Variants in FILIP1L observed in about 807,000 individuals in gnomAD.
FILIP1L encodes filamin A interacting protein 1 like, also known as filamin A-interacting protein 1-like.
In FILIP1L, 55 loss-of-function variants were observed where a neutral mutation model predicts 96.6. The observed-to-expected ratio is 0.57, with a 90% CI of 0.46 to 0.71. FILIP1L has a LOEUF of 0.71. Among genes scored for constraint, FILIP1L ranks in the 30% least tolerant of loss-of-function variants. The pLI is 0.00. For synonymous variants in FILIP1L, 467 were observed against 473.9 expected (o/e 0.99, Z 0.19); for missense variants, 1,304 against 1,321.2 (o/e 0.99, Z 0.20).
At chr3:100,052,463 G>A (rs1189410002) in intron 1 of FILIP1L, among the ~76,000 whole-genome samples, 1 of 152,174 alleles carries the variant, frequency 6.6e-6, no homozygotes, top group Non-Finnish European at 1.5e-5. Context: ...AGTGCACCCA[G>A]TTGGAGGATG....
chr3:99,910,699 C>A (rs1706760036), intron 4 of FILIP1L, among the ~76,000 whole-genome samples: 2 of 140,978 alleles, frequency 1.4e-5, no homozygotes, highest in Non-Finnish European at 3.2e-5. Flanking sequence ...TTCCCTTTGG[C>A]CTATAGATCT....
intron 4 of FILIP1L, among the ~76,000 whole-genome samples, chr3:99,876,800 C>A (rs1019071238): frequency 6.6e-6 from 1 of 152,086 alleles, no homozygotes; most frequent in African/African-American, 2.4e-5. Context: ...GAAAGAACTT[C>A]CTCTTTCCCC....
intron 4 of FILIP1L, among the ~76,000 whole-genome samples, chr3:99,918,367 G>C (rs538033259): frequency 6.6e-6 from 1 of 152,146 alleles, no homozygotes; most frequent in Admixed American, 6.5e-5. Context: ...AGACCAGACT[G>C]CCACTATCTC....
At chr3:100,026,360 A>G (rs1352385052) in intron 1 of FILIP1L, among the ~76,000 whole-genome samples, 2 of 152,052 alleles carry the variant, frequency 1.3e-5, no homozygotes, top group Non-Finnish European at 2.9e-5. Context: ...ACGGACAGCT[A>G]TTTATTATTC....
At chr3:100,064,328 A>G (rs1206397174) in intron 1 of FILIP1L, among the ~76,000 whole-genome samples, 2 of 151,772 alleles carry the variant, frequency 1.3e-5, no homozygotes, top group Non-Finnish European at 2.9e-5. Context: ...ATCCTAAAGG[A>G]CCAATTTGCC....
chr3:100,111,248 G>A (rs1005083994), intron 1 of FILIP1L, among the ~76,000 whole-genome samples: 2 of 152,120 alleles, frequency 1.3e-5, no homozygotes, highest in African/African-American at 4.8e-5. Context: ...TCCTCTACCT[G>A]CATGTTTTCC....
chr3:99,893,239 C>G (rs1340873410), intron 4 of FILIP1L, among the ~76,000 whole-genome samples: 2 of 148,214 alleles, frequency 1.3e-5, no homozygotes, highest in Non-Finnish European at 3.0e-5. Flanking sequence ...AATCTCGGCT[C>G]ACTGCAACCT....
chr3:99,940,537 C>G (rs578200331), intron 1 of FILIP1L, among the ~76,000 whole-genome samples: 1 of 152,346 alleles, frequency 6.6e-6, no homozygotes, highest in East Asian at 1.9e-4. Flanking sequence ...TGCCTATGGT[C>G]ATGCCCTGAG....
At chr3:99,908,655 A>T (rs1706696507) in intron 4 of FILIP1L, among the ~76,000 whole-genome samples, 2 of 152,228 alleles carry the variant, frequency 1.3e-5, no homozygotes, top group South Asian at 4.1e-4. Context: ...GATTATCTGA[A>T]TATTATGTGG....
At chr3:99,860,592 C>A (rs988472864) in intron 4 of FILIP1L, among the ~76,000 whole-genome samples, 2 of 152,110 alleles carry the variant, frequency 1.3e-5, no homozygotes, top group African/African-American at 4.8e-5. Context: ...TAGGCAGCTA[C>A]AAGGAGAATA....
chr3:99,845,996 GAAC>G (rs1180391637), intron 5 of FILIP1L, among the ~76,000 whole-genome samples: 1 of 152,148 alleles, frequency 6.6e-6, no homozygotes. Flanking sequence ...TATCATAATA[GAAC>G]ACAAGACTTA....
At chr3:99,843,107 C>G (rs1380153370) in intron 5 of FILIP1L, among the ~76,000 whole-genome samples, 1 of 152,188 alleles carries the variant, frequency 6.6e-6, no homozygotes, top group Non-Finnish European at 1.5e-5. Flanking sequence ...GTCTTCCTTG[C>G]TCTTTCTTGT....
intron 1 of FILIP1L, among the ~76,000 whole-genome samples, chr3:99,972,536 G>C (rs1016908257): frequency 6.6e-6 from 1 of 152,156 alleles, no homozygotes; most frequent in African/African-American, 2.4e-5. Flanking sequence ...TCTGCCTCTA[G>C]TGCTGTCTGC....
rs1942597360 is a variant in FILIP1L at position 99,829,207 on chromosome 3, A to G, written c.*1207T>C. Among the ~76,000 whole-genome samples, 1 of 149,380 alleles carries G rather than the reference A, an allele frequency of 6.7e-6. No homozygotes were observed. ...AGTTTTTAGTGAAGGATCACAAAAA[A>G]TGTTTAGTGTCGTTCCATTGATTTT... On this transcript the variant is annotated 3_prime_UTR_variant, in exon 6 of 6. Transcript: ENST00000477258.
intron 1 of FILIP1L, among the ~76,000 whole-genome samples, chr3:100,003,270 C>T (rs1709894916): frequency 1.3e-5 from 2 of 152,188 alleles, no homozygotes; most frequent in South Asian, 4.1e-4. Flanking sequence ...TGGCAAGTTA[C>T]ACATTGACTC....
At chr3:100,059,347 T>C (rs895776188) in intron 1 of FILIP1L, among the ~76,000 whole-genome samples, 2 of 152,168 alleles carry the variant, frequency 1.3e-5, no homozygotes, top group African/African-American at 4.8e-5. Context: ...TTTGAGACAA[T>C]GAAAAATGCT....
chr3:99,933,584 T>C (rs911240893), intron 1 of FILIP1L, among the ~76,000 whole-genome samples: 2 of 152,206 alleles, frequency 1.3e-5, no homozygotes, highest in African/African-American at 4.8e-5. Flanking sequence ...CCCACCCCTA[T>C]TGTATTTTCT....
At chr3:99,975,198 T>G (rs1159532454) in intron 1 of FILIP1L, among the ~76,000 whole-genome samples, 2 of 152,236 alleles carry the variant, frequency 1.3e-5, no homozygotes, top group Non-Finnish European at 2.9e-5. Context: ...GAAAGGAATT[T>G]CTATTTGTTC....
At chr3:100,067,558 A>G (rs540805004) in intron 1 of FILIP1L, among the ~76,000 whole-genome samples, 12 of 152,336 alleles carry the variant, frequency 7.9e-5, no homozygotes, top group Non-Finnish European at 7.4e-5. Flanking sequence ...TGAATTTTGC[A>G]GATTTGATTC....
Sources: allele counts gnomAD v4.1 joint callset (sites outside exome capture counted in the v4.1 genomes callset), GRCh38; gene constraint gnomAD v4.1.1; transcripts MANE v1.5; gene names NCBI Gene and HGNC (gene_info 2026-07-23, HGNC 2026-07-21).